Variants in ACLY observed in about 807,000 individuals in gnomAD.
The protein encoded by ACLY is ATP-citrate synthase.
A neutral mutation model predicts 133.0 loss-of-function variants in ACLY; 41 were observed. The ratio of observed to expected loss-of-function variants is 0.31; its 90% confidence interval spans 0.24 to 0.40. ACLY has a LOEUF of 0.40. Among genes scored for constraint, ACLY ranks in the 10% least tolerant of loss-of-function variants. The probability of loss-of-function intolerance (pLI) is 1.00; values close to 1 mark genes in which losing one functional copy is unlikely to be tolerated. For synonymous variants in ACLY, 495 were observed against 549.3 expected (o/e 0.90, Z 1.38); for missense variants, 1,046 against 1,453.8 (o/e 0.72, Z 4.56).
intron 3 of ACLY, among the ~76,000 whole-genome samples, chr17:41,911,833 G>A (rs781894116): frequency 6.6e-6 from 1 of 151,646 alleles, no homozygotes; most frequent in Non-Finnish European, 1.5e-5. Flanking sequence ...AAATAAAGTA[G>A]GCCGGGCGCA....
chr17:41,891,949 T>C (rs1555629346), intron 16 of ACLY, among the ~76,000 whole-genome samples: 3 of 152,172 alleles, frequency 2.0e-5, no homozygotes, highest in Non-Finnish European at 4.4e-5. Flanking sequence ...GCAATCTTCC[T>C]GCCTCTGCCT....
rs1555628130 is a variant in ACLY, at chr17:41,886,291, A to T, written c.1893T>A (p.Pro631=). ...CTGTGTTGCCAATCTTAAAGCACCC[A>T]GGCTTGATGCCTCCAACCTGTGGGG... ...IGPATVGGIK[P]GCFKIGNTGG... The change falls in exon 18 of 29, where the codon CCT becomes CCA. Residue 631 remains proline (P), a synonymous_variant. Transcript: ENST00000352035. 4 of 1,610,336 alleles carry T rather than the reference A, an allele frequency of 2.5e-6. No individual in the cohort carries two copies. In the Admixed American group the frequency reaches 5.0e-5, roughly 20 times the overall value.
chr17:41,906,721 C>T (rs1053722079), intron 7 of ACLY, 75 bp from the exon 8 acceptor site: 9 of 1,337,620 alleles, frequency 6.7e-6, no homozygotes, highest in East Asian at 2.3e-5. Context: ...GACCCCTCCC[C>T]GCTTTCCCTG....
upstream of ACLY, chr17:41,919,101 G>A: frequency 8.4e-7 from 1 of 1,186,608 alleles, no homozygotes; most frequent in Non-Finnish European, 1.1e-6. Context: ...CTGCTGGCTT[G>A]GCTCCGCCCC....
chr17:41,910,425 G>GATCT, intron 3 of ACLY, 141 bp from the exon 4 acceptor site: 1 of 690,596 alleles, frequency 1.4e-6, no homozygotes, highest in South Asian at 1.8e-5. Context: ...GAAAAAATGG[G>GATCT]GTCACAGATC....
chr17:41,893,871 T>C (rs2049285355), intron 14 of ACLY, among the ~76,000 whole-genome samples: 1 of 152,130 alleles, frequency 6.6e-6, no homozygotes, highest in African/African-American at 2.4e-5. Context: ...GGTGGCTCTT[T>C]CCTGCTCAGG....
chr17:41,876,159 G>A (rs1176946000), intron 22 of ACLY, among the ~76,000 whole-genome samples: 1 of 151,984 alleles, frequency 6.6e-6, no homozygotes, highest in Non-Finnish European at 1.5e-5. Context: ...TCTGAGAAGT[G>A]AGGAGCCCCT....
At position 41,893,047 on chromosome 17, in the gene ACLY, C is replaced by A; in HGVS notation, c.1587G>T (p.Met529Ile). The A allele has an allele frequency of 1.9e-6, 3 of 1,613,614 alleles. No homozygotes were observed. The highest frequency in any genetic ancestry group is 2.5e-6 in the Non-Finnish European group (3 of 1,179,784). Reference protein sequence around the residue: ...CSRDEPSVAAMVYPFTGDHKQ... With the variant: ...CSRDEPSVAAIVYPFTGDHKQ... ...GGGTAACTCACGTGAAAGGGTAGACCATGGCAGCCACTGAGGGCTCGTCTC... is the reference window on the plus strand; with the variant it reads ...GGGTAACTCACGTGAAAGGGTAGACAATGGCAGCCACTGAGGGCTCGTCTC... The change falls in exon 15 of 29, where the codon ATG becomes ATT. Residue 529 changes from methionine (M) to isoleucine (I), a missense_variant. Met to Ile is a conservative substitution (Grantham distance 10, BLOSUM62 1). Coordinates refer to ENST00000352035, the MANE Select transcript of ACLY (RefSeq NM_001096.3).
At chr17:41,916,256 G>T (rs772494469) in intron 1 of ACLY, among the ~76,000 whole-genome samples, 2 of 152,100 alleles carry the variant, frequency 1.3e-5, no homozygotes, top group Non-Finnish European at 2.9e-5. Flanking sequence ...TAAAAATAAG[G>T]CCTCTGCAAA....
At chr17:41,897,375 G>A (rs1417576437) in intron 13 of ACLY, among the ~76,000 whole-genome samples, 14 of 152,042 alleles carry the variant, frequency 9.2e-5, no homozygotes, top group African/African-American at 3.1e-4. Flanking sequence ...TGGCTCTGCC[G>A]TCCTGGGGTC....
At chr17:41,907,020 C>G (rs2049739975) in intron 7 of ACLY, among the ~76,000 whole-genome samples, 1 of 152,192 alleles carries the variant, frequency 6.6e-6, no homozygotes, top group African/African-American at 2.4e-5. Context: ...ACGAGACCGT[C>G]TCCTAGCCCA....
intron 1 of ACLY, among the ~76,000 whole-genome samples, chr17:41,926,234 G>T (rs552993538): frequency 3.9e-5 from 6 of 152,286 alleles, no homozygotes; most frequent in Non-Finnish European, 8.8e-5. Flanking sequence ...AAATGGCTGG[G>T]ACACACTGGA....
chr17:41,868,608 A>T, intron 28 of ACLY, 101 bp downstream of exon 28: 1 of 712,320 alleles, frequency 1.4e-6, no homozygotes, highest in South Asian at 2.6e-5. Context: ...ATTAAAAAAA[A>T]AAAAAAAGAA....
intron 13 of ACLY, among the ~76,000 whole-genome samples, chr17:41,897,108 T>C (rs973608447): frequency 1.1e-4 from 17 of 152,190 alleles, no homozygotes; most frequent in Non-Finnish European, 1.5e-5. Flanking sequence ...GTGTCACTAT[T>C]TTCCAAAATG....
chr17:41,888,786 C>T (rs574548795), intron 16 of ACLY, among the ~76,000 whole-genome samples: 9 of 152,324 alleles, frequency 5.9e-5, no homozygotes, highest in Non-Finnish European at 1.3e-4. Flanking sequence ...GCACTCCAGC[C>T]TGGGCTACAG....
intron 16 of ACLY, among the ~76,000 whole-genome samples, chr17:41,891,635 G>GACCT: frequency 6.6e-6 from 1 of 151,202 alleles, no homozygotes; most frequent in African/African-American, 2.4e-5. Context: ...TTCTTGCCTT[G>GACCT]ACCTCCCAAA....
At chr17:41,904,449 G>T in intron 10 of ACLY, 1 of 466,978 alleles carries the variant, frequency 2.1e-6, no homozygotes, top group South Asian at 2.9e-5. Context: ...CAAAGCATTG[G>T]TCCTGAGAAG....
rs200574187 is a variant in ACLY at position 41,869,451 on chromosome 17, T to A, written c.3051+23A>T. On this transcript the variant is annotated intron_variant, in intron 26 of 28. Transcript: ENST00000352035. ...AATAAACTTGTCCAACGTGAGGGAATTAGGAAGTTTTTTCTTTGTTACCTT... is the reference window on the plus strand; with the variant it reads ...AATAAACTTGTCCAACGTGAGGGAAATAGGAAGTTTTTTCTTTGTTACCTT... 4 of 1,583,716 alleles carry A rather than the reference T, an allele frequency of 2.5e-6. No individual in the cohort carries two copies. The East Asian group carries it at 9.0e-5, about 35-fold the overall frequency.
chr17:41,900,612 A>G (rs1318536368), intron 11 of ACLY, among the ~76,000 whole-genome samples: 1 of 151,556 alleles, frequency 6.6e-6, no homozygotes, highest in African/African-American at 2.4e-5. Context: ...GTGGTCCCCA[A>G]TACTTGGGAG....
Sources: gnomAD v4.1 joint callset for allele counts (sites outside exome capture counted in the v4.1 genomes callset) on GRCh38, gnomAD v4.1.1 for gene constraint, MANE v1.5 for transcripts, NCBI Gene and HGNC (gene_info 2026-07-23, HGNC 2026-07-21) for gene names.